The following SERPINA1 variants were observed in gnomAD, a reference collection of about 807,000 sequenced individuals.
SERPINA1 encodes alpha-1-antitrypsin.
Under a neutral mutation model 25.4 loss-of-function variants are expected in SERPINA1, and 21 were observed. The observed-to-expected ratio is 0.83, with a 90% CI of 0.59 to 1.19. The LOEUF (loss-of-function observed/expected upper bound fraction) is 1.19, where lower values mean the gene tolerates loss of function less well. Ranked by LOEUF, SERPINA1 falls within the 50% of genes most tolerant of loss-of-function variation. SERPINA1 has a pLI of 0.00. For synonymous variants in SERPINA1, 218 were observed against 211.1 expected, an observed-to-expected ratio of 1.03 and a Z score of -0.29; for missense variants, 546 against 509.0, an observed-to-expected ratio of 1.07 and a Z score of -0.70.
At chr14:94,380,063 G>A (rs77760036) in intron 3 of SERPINA1, among the ~76,000 whole-genome samples, 1 of 138,576 alleles carries the variant, frequency 7.2e-6, no homozygotes, top group Non-Finnish European at 1.6e-5. Flanking sequence ...ACCCTGAGCA[G>A]GGTCTGGTGT....
chr14:94,382,530 TG>T, intron 2 of SERPINA1, 61 bp downstream of exon 2: 1 of 1,602,202 alleles, frequency 6.2e-7, no homozygotes, highest in Non-Finnish European at 8.6e-7. Context: ...CAAGAACTGA[TG>T]GTTTGAGAAT....
rs921982028 is a variant in SERPINA1 at position 94,382,625 on chromosome 14, CTG to C, written c.611_612del (p.Thr204SerfsTer11). 5.0e-6 allele frequency: 8 copies of C among 1,614,140 alleles called. No individual in the cohort carries two copies. In the Admixed American group the frequency reaches 5.0e-5, roughly 10 times the overall value. On this transcript the variant is annotated frameshift_variant, in exon 2 of 5. Coordinates refer to ENST00000393087, the MANE Select transcript of SERPINA1 (RefSeq NM_000295.5). LOFTEE classifies it high-confidence loss of function. ...AAGATGTAATTCACCAGAGCAAAAA[CTG>C]TGTCTCTGTCAAGCTCCTTGACCAA... ...VDLVKELDRD[T>X]VFALVNYIFF...
intron 1 of SERPINA1, chr14:94,383,615 C>T: frequency 3.4e-6 from 1 of 294,886 alleles, no homozygotes. Flanking sequence ...TGCACCCAGG[C>T]TCTGGACAGC....
At chr14:94,383,503 A>G in intron 1 of SERPINA1, 2 of 551,110 alleles carry the variant, frequency 3.6e-6, no homozygotes, top group Non-Finnish European at 3.2e-6. Flanking sequence ...GCTAATGCTA[A>G]TATCCTTCTT....
In SERPINA1 at chr14:94,378,413, A is replaced by G; in HGVS notation, c.*36T>C. 1.3e-6 allele frequency: 2 copies of G among 1,574,252 alleles called. No homozygotes were observed. Among genetic ancestry groups the G allele is most frequent in the Non-Finnish European group, 8.7e-7 (1 of 1,143,918 alleles). On this transcript the variant is annotated 3_prime_UTR_variant, in exon 5 of 5. Transcript: ENST00000393087. ...TTTAATGTCATCCAGGGAGGGGGCC[A>G]GGGATGGAGGGGAGGGGTTGAGGAG...
In SERPINA1 at chr14:94,378,177, C is replaced by A; in HGVS notation, c.*272G>T. The A allele has an allele frequency of 1.8e-6, 1 of 541,360 alleles. No individual in the cohort carries two copies. Among genetic ancestry groups the A allele is most frequent in the African/African-American group, 1.9e-5 (1 of 52,944 alleles). The allele number at this position is 541,360 out of a possible 1,614,324, so 33.5% of individuals were successfully genotyped here. A position where few individuals can be genotyped will look rare whatever the true frequency, so the allele number is the denominator to read the frequency against. ...CTGGAGCCCTCCAGAAACAGATGGG[C>A]CCAGGTCCGTAAGCTGAGGATTCAG... On this transcript the variant is annotated 3_prime_UTR_variant, in exon 5 of 5. Transcript: ENST00000393087.
chr14:94,380,720 A>C (rs1595606659), intron 3 of SERPINA1, 151 bp downstream of exon 3: 2 of 997,288 alleles, frequency 2.0e-6, no homozygotes, highest in South Asian at 2.6e-5. Context: ...TGGTGGCCTC[A>C]TTCTGGAAGC....
chr14:94,388,083 T>C (rs886197789), intron 1 of SERPINA1, among the ~76,000 whole-genome samples: 3 of 152,094 alleles, frequency 2.0e-5, no homozygotes, highest in African/African-American at 7.2e-5. Flanking sequence ...CACCCCTCTC[T>C]GGACCTTAAC....
At chr14:94,387,971 G>C (rs1275184838) in intron 1 of SERPINA1, among the ~76,000 whole-genome samples, 2 of 152,148 alleles carry the variant, frequency 1.3e-5, no homozygotes, top group Non-Finnish European at 2.9e-5. Flanking sequence ...AGAGGTCCAC[G>C]GTGCATGGGG....
intron 3 of SERPINA1, among the ~76,000 whole-genome samples, chr14:94,380,012 G>T (rs1398200059): frequency 2.0e-5 from 3 of 151,736 alleles, no homozygotes; most frequent in African/African-American, 4.8e-5. Flanking sequence ...ACCACACCAG[G>T]CTGAGTGCTC....
intron 3 of SERPINA1, chr14:94,380,669 T>C: frequency 4.5e-6 from 3 of 669,158 alleles, no homozygotes; most frequent in South Asian, 3.5e-5. Flanking sequence ...CCCTGGGTAC[T>C]GTCCTCCTCA....
rs149319176 is a variant in SERPINA1, at chr14:94,383,066, C to A, written c.172G>T (p.Ala58Ser). ...NKITPNLAEF[A>S]FSLYRQLAHQ... ...GCCAGCTGGCGGTATAGGCTGAAGG[C>A]GAACTCAGCCAGGTTGGGGGTGATC... The change falls in exon 2 of 5, where the codon GCC becomes TCC. Residue 58 changes from alanine to serine, a missense_variant. Physicochemically the swap from Ala to Ser is moderately conservative, Grantham distance 99. Transcript: ENST00000393087. 13 of 1,613,972 alleles carry A rather than the reference C, an allele frequency of 8.1e-6. No homozygotes were observed. The highest frequency in any genetic ancestry group is 1.6e-4 in the Middle Eastern group (1 of 6,084).
intron 1 of SERPINA1, among the ~76,000 whole-genome samples, chr14:94,386,895 T>C (rs1013151448): frequency 3.3e-5 from 5 of 152,204 alleles, no homozygotes; most frequent in Admixed American, 3.3e-4. Context: ...ATCTAATCTG[T>C]CCTCAAAGCT....
At position 94,382,637 on chromosome 14, in the gene SERPINA1, C is replaced by T. The variant is rs760372645; in HGVS notation, c.601G>A (p.Asp201Asn). Residue 201 changes from aspartate (D) to asparagine (N), a missense_variant, in exon 2 of 5, where the codon GAC becomes AAC. Coordinates refer to ENST00000393087, the MANE Select transcript of SERPINA1 (RefSeq NM_000295.5). ...ACCAGAGCAAAAACTGTGTCTCTGT[C>T]AAGCTCCTTGACCAAATCCACAATT... ...GKIVDLVKEL[D>N]RDTVFALVNY... 37 of 1,614,230 alleles carry T rather than the reference C, an allele frequency of 2.3e-5. No individual in the cohort carries two copies. The highest frequency in any genetic ancestry group is 3.1e-5 in the Non-Finnish European group (37 of 1,180,044).
chr14:94,380,802 T>C, intron 3 of SERPINA1, 69 bp downstream of exon 3: 1 of 1,601,794 alleles, frequency 6.2e-7, no homozygotes, highest in Non-Finnish European at 8.6e-7. Flanking sequence ...CCAGTCCTGA[T>C]GGGCCTCAGT....
intron 4 of SERPINA1, 175 bp downstream of exon 4, chr14:94,379,289 G>C: frequency 1.1e-6 from 1 of 913,770 alleles, no homozygotes; most frequent in Non-Finnish European, 1.7e-6. Flanking sequence ...CCCCTGCCTG[G>C]CTTTGCTGTT....
At chr14:94,383,420 A>G in intron 1 of SERPINA1, 179 bp from the exon 2 acceptor site, 1 of 642,270 alleles carries the variant, frequency 1.6e-6, no homozygotes, top group Non-Finnish European at 2.7e-6. Context: ...CGTAGTGCTT[A>G]CCATATGCCA....
chr14:94,387,971 G>A (rs1275184838), intron 1 of SERPINA1, among the ~76,000 whole-genome samples: 1 of 152,148 alleles, frequency 6.6e-6, no homozygotes, highest in African/African-American at 2.4e-5. Flanking sequence ...AGAGGTCCAC[G>A]GTGCATGGGG....
At position 94,382,766 on chromosome 14, in the gene SERPINA1, C is replaced by T; in HGVS notation, c.472G>A (p.Val158Ile). 6.2e-7 allele frequency: 1 copy of T among 1,614,276 alleles called. No individual in the cohort carries two copies. The change falls in exon 2 of 5, where the codon GTT becomes ATT. Residue 158 changes from valine to isoleucine, a missense_variant. Physicochemically the swap from Val to Ile is conservative, Grantham distance 29. Transcript: ENST00000393087. ...LKLVDKFLED[V>I]KKLYHSEAFT... is the part of the protein sequence containing the mutation. ...GCTTCTGAGTGGTACAACTTTTTAA[C>T]ATCCTCCAAAAACTTATCCACTAGC...
Sources: gnomAD v4.1 joint callset for allele counts (sites outside exome capture counted in the v4.1 genomes callset) on GRCh38, gnomAD v4.1.1 for gene constraint, MANE v1.5 for transcripts, NCBI Gene and HGNC (gene_info 2026-07-23, HGNC 2026-07-21) for gene names.